The following GALNTL6 variants were observed in gnomAD, a reference collection of about 807,000 sequenced individuals.
The protein encoded by GALNTL6 is polypeptide N-acetylgalactosaminyltransferase like 6.
GALNTL6 carries 46 observed loss-of-function variants against 73.7 expected under a neutral mutation model. The observed-to-expected ratio is 0.62, with a 90% CI of 0.49 to 0.80. GALNTL6 has a LOEUF of 0.80. Ranked by LOEUF, GALNTL6 falls within the 30% of genes least tolerant of loss-of-function variation. GALNTL6 has a pLI of 0.00. For synonymous variants in GALNTL6, 259 were observed against 263.7 expected, an observed-to-expected ratio of 0.98 and a Z score of 0.17; for missense variants, 604 against 755.0, an observed-to-expected ratio of 0.80 and a Z score of 2.34.
At chr4:173,019,823 G>C (rs1014541443) in intron 11 of GALNTL6, among the ~76,000 whole-genome samples, 4 of 152,148 alleles carry the variant, frequency 2.6e-5, no homozygotes, top group African/African-American at 7.2e-5. Flanking sequence ...CTTTGTATTT[G>C]TCTTCAGATT....
chr4:172,758,834 A>T (rs1399861349), intron 5 of GALNTL6, among the ~76,000 whole-genome samples: 1 of 152,206 alleles, frequency 6.6e-6, no homozygotes, highest in South Asian at 2.1e-4. Flanking sequence ...TTATCAGATC[A>T]TAGTATATAT....
intron 4 of GALNTL6, among the ~76,000 whole-genome samples, chr4:172,332,826 G>A (rs926281466): frequency 6.6e-6 from 1 of 152,112 alleles, no homozygotes; most frequent in African/African-American, 2.4e-5. Flanking sequence ...CCCAGTTGTG[G>A]TATTGTTAGA....
At chr4:172,189,462 G>GT (rs1202471785) in intron 2 of GALNTL6, among the ~76,000 whole-genome samples, 78 of 152,244 alleles carry the variant, frequency 5.1e-4, no homozygotes, top group African/African-American at 1.9e-3. Flanking sequence ...GTAACAAAAT[G>GT]AAGACTTTCA....
chr4:172,187,922 A>C (rs1345535963), intron 2 of GALNTL6, among the ~76,000 whole-genome samples: 1 of 152,172 alleles, frequency 6.6e-6, no homozygotes, highest in African/African-American at 2.4e-5. Flanking sequence ...ACACAATGTC[A>C]AGTACTTTTC....
chr4:172,070,309 G>T (rs1731508780), intron 2 of GALNTL6, among the ~76,000 whole-genome samples: 3 of 110,578 alleles, frequency 2.7e-5, no homozygotes, highest in Non-Finnish European at 4.0e-5. Flanking sequence ...AGAAATTAGA[G>T]TTCAATAAAG....
intron 3 of GALNTL6, among the ~76,000 whole-genome samples, chr4:172,245,368 G>A (rs1281489761): frequency 6.6e-6 from 1 of 152,078 alleles, no homozygotes; most frequent in East Asian, 1.9e-4. Context: ...TGCCACTGTT[G>A]CCATAGACTT....
chr4:171,875,452 T>G (rs914615559), intron 2 of GALNTL6, among the ~76,000 whole-genome samples: 9 of 152,104 alleles, frequency 5.9e-5, no homozygotes, highest in Non-Finnish European at 1.0e-4. Context: ...CCTAGTTCCC[T>G]CCCAGGTCTG....
At chr4:172,455,269 C>T (rs926786449) in intron 5 of GALNTL6, among the ~76,000 whole-genome samples, 2 of 152,310 alleles carry the variant, frequency 1.3e-5, no homozygotes, top group South Asian at 2.1e-4. Flanking sequence ...GTTTCAAGCA[C>T]AAAACTGGGC....
Position 172,788,488 on chromosome 4 carries a change from C to T in GALNTL6, c.554-20873C>T, listed in dbSNP as rs555575696. Reference sequence around the variant, plus strand: ...GAGATCGAGACCATCCTGGCTAACACGGTAAAACCCCGTCTCTACTAAAAA... The same window carrying T: ...GAGATCGAGACCATCCTGGCTAACATGGTAAAACCCCGTCTCTACTAAAAA... On this transcript the variant is annotated intron_variant, in intron 5 of 12. Transcript: ENST00000506823. Among the ~76,000 whole-genome samples the T allele has an allele frequency of 2.9e-4, 44 of 151,948 alleles. No individual in the cohort carries two copies. The South Asian group carries it at 7.7e-3, about 27-fold the overall frequency.
intron 7 of GALNTL6, among the ~76,000 whole-genome samples, chr4:172,836,039 G>A (rs909016425): frequency 4.6e-5 from 7 of 152,102 alleles, no homozygotes; most frequent in Non-Finnish European, 1.0e-4. Flanking sequence ...AGGGGTATGG[G>A]GTCATCTCTG....
intron 5 of GALNTL6, among the ~76,000 whole-genome samples, chr4:172,792,420 A>G (rs1740047650): frequency 6.6e-6 from 1 of 152,114 alleles, no homozygotes; most frequent in Non-Finnish European, 1.5e-5. Context: ...TTCATTATAT[A>G]AATATAGATT....
At chr4:172,721,379 ACTT>A (rs957835378) in intron 5 of GALNTL6, among the ~76,000 whole-genome samples, 2 of 152,228 alleles carry the variant, frequency 1.3e-5, no homozygotes, top group Non-Finnish European at 2.9e-5. Context: ...CTTTGAAACA[ACTT>A]CTTCTTAGCA....
At chr4:171,889,612 G>A (rs567158867) in intron 2 of GALNTL6, among the ~76,000 whole-genome samples, 5 of 152,062 alleles carry the variant, frequency 3.3e-5, no homozygotes, top group South Asian at 4.1e-4. Context: ...CACATTATTC[G>A]TATGTTGCCT....
At chr4:172,361,273 G>T (rs996718928) in intron 5 of GALNTL6, among the ~76,000 whole-genome samples, 3 of 144,292 alleles carry the variant, frequency 2.1e-5, no homozygotes, top group Non-Finnish European at 4.6e-5. Flanking sequence ...TGTAGATCAA[G>T]AATGTGTCTT....
intron 9 of GALNTL6, among the ~76,000 whole-genome samples, chr4:172,934,380 A>T (rs780234548): frequency 5.3e-5 from 8 of 152,210 alleles, no homozygotes; most frequent in Non-Finnish European, 8.8e-5. Context: ...AAACCTGTTC[A>T]ACTTAATAAC....
At chr4:172,309,431 CAT>C (rs1740272472) in intron 3 of GALNTL6, among the ~76,000 whole-genome samples, 1 of 151,562 alleles carries the variant, frequency 6.6e-6, no homozygotes, top group Non-Finnish European at 1.5e-5. Context: ...TTTTTAAAAT[CAT>C]ATTAATGAAT....
intron 5 of GALNTL6, among the ~76,000 whole-genome samples, chr4:172,628,890 C>T (rs1412093469): frequency 2.6e-5 from 4 of 151,912 alleles, no homozygotes; most frequent in Admixed American, 1.3e-4. Context: ...TTTCAAGATC[C>T]TTCATTTAAA....
At chr4:173,036,115 A>G (rs1753685384) in intron 12 of GALNTL6, among the ~76,000 whole-genome samples, 2 of 152,202 alleles carry the variant, frequency 1.3e-5, no homozygotes. Context: ...CCAAGATTAC[A>G]TAGCAGGACT....
chr4:172,088,864 C>G (rs1413720343), intron 2 of GALNTL6, among the ~76,000 whole-genome samples: 1 of 152,098 alleles, frequency 6.6e-6, no homozygotes, highest in Admixed American at 6.5e-5. Flanking sequence ...TTTCTTTAAC[C>G]AAATTTCTGA....
Sources: gnomAD v4.1 joint callset for allele counts (sites outside exome capture counted in the v4.1 genomes callset) on GRCh38, gnomAD v4.1.1 for gene constraint, MANE v1.5 for transcripts, NCBI Gene and HGNC (gene_info 2026-07-23, HGNC 2026-07-21) for gene names.